The following ZNF274 variants were observed in gnomAD, a reference collection of about 807,000 sequenced individuals.
The protein encoded by ZNF274 is neurotrophin receptor-interacting factor homolog.
A neutral mutation model predicts 42.5 loss-of-function variants in ZNF274; 23 were observed. That is an observed-to-expected ratio of 0.54 (90% CI 0.39 to 0.77). ZNF274 has a LOEUF of 0.77. ZNF274 is among the 30% of genes least tolerant of loss of function. ZNF274 has a pLI of 0.00. For synonymous variants in ZNF274, 292 were observed against 305.4 expected (o/e 0.96, Z 0.46); for missense variants, 679 against 806.5 (o/e 0.84, Z 1.91).
At chr19:58,200,490 G>A (rs1428640041) in intron 4 of ZNF274, among the ~76,000 whole-genome samples, 1 of 152,216 alleles carries the variant, frequency 6.6e-6, no homozygotes, top group Non-Finnish European at 1.5e-5. Context: ...CGAGGTACGG[G>A]TGGGCAGCAG....
chr19:58,213,494 T>G lies in ZNF274; in HGVS notation c.*351T>G, dbSNP rs2076069087. 2 of 213,650 alleles carry G rather than the reference T, an allele frequency of 9.4e-6. No homozygotes were observed. Among genetic ancestry groups the G allele is most frequent in the Admixed American group, 1.0e-4 (2 of 19,724 alleles). 13.2% of individuals were successfully genotyped at this position (213,650 alleles called of 1,614,324 possible). On this transcript the variant is annotated 3_prime_UTR_variant, in exon 8 of 8. Coordinates refer to ENST00000617501, the MANE Select transcript of ZNF274 (RefSeq NM_133502.3). ...TGATATTACATCCACAGTACCACAG[T>G]ATTTATGTGTATGAATTAAGGATTA...
rs1359258445 is a variant in ZNF274 at position 58,207,862 on chromosome 19, C to G, written c.739+660C>G. On this transcript the variant is annotated intron_variant, in intron 5 of 7. Transcript: ENST00000617501. The surrounding 1 kb of genome is among the most constrained non-coding windows in gnomAD (Gnocchi z 5.6). The stretch of plus-strand genomic sequence containing the variant: ...TCTTCTAAAACAGTAGGGCTCGATC[C>G]CTGAGTTCCAGAAACTGGTGGCACC... Among the ~76,000 whole-genome samples, 1 of 152,174 alleles carries G rather than the reference C, an allele frequency of 6.6e-6. No individual in the cohort carries two copies. Among genetic ancestry groups the G allele is most frequent in the Non-Finnish European group, 1.5e-5 (1 of 68,038 alleles).
rs1316438196 is a variant in ZNF274 at position 58,195,147 on chromosome 19, G to A, written c.256+8105G>A. 5.3e-5 allele frequency among the ~76,000 whole-genome samples: 8 copies of A among 151,154 alleles called. No homozygotes were observed. The East Asian group carries it at 5.8e-4, about 11-fold the overall frequency. On this transcript the variant is annotated intron_variant, in intron 4 of 7. Transcript: ENST00000617501. The stretch of plus-strand genomic sequence containing the variant: ...CAGGAGGTGGAGGTTACAGTGAGCC[G>A]AGATGGTGCCACTGCACTCCAGCCT...
At chr19:58,196,911 C>A (rs77980362) in intron 4 of ZNF274, among the ~76,000 whole-genome samples, 1 of 152,140 alleles carries the variant, frequency 6.6e-6, no homozygotes, top group Non-Finnish European at 1.5e-5. Context: ...AACTTTTCAC[C>A]ATCTGAGAAC....
Position 58,206,971 on chromosome 19 carries a change from A to G in ZNF274, c.508A>G (p.Lys170Glu). 2 of 1,610,388 alleles carry G rather than the reference A, an allele frequency of 1.2e-6. No homozygotes were observed. The highest frequency in any genetic ancestry group is 2.2e-5 in the East Asian group (1 of 44,770). ...CCAGAGGTTCCGGCAGTTCCGTTAT[A>G]AGGACATGACAGGTCCCCGGGAGGC... is the stretch of plus-strand genomic sequence containing the variant. ...ARQRFRQFRY[K>E]DMTGPREALD... is the part of the protein sequence containing the mutation. The change falls in exon 5 of 8, where the codon AAG (lysine) becomes GAG (glutamate). Residue 170 changes from lysine (K) to glutamate (E), a missense_variant. Lys to Glu is a moderately conservative substitution (Grantham distance 56). Around this residue, in one of 2 missense-constraint regions of ZNF274, gnomAD observed 223 missense variants for 216.4 expected, o/e 1.03. Transcript: ENST00000617501.
chr19:58,189,575 A>G (rs936903274), intron 4 of ZNF274, among the ~76,000 whole-genome samples: 1 of 152,086 alleles, frequency 6.6e-6, no homozygotes, highest in Non-Finnish European at 1.5e-5. Flanking sequence ...AGTAAATGCC[A>G]TGTTACTGTA....
At position 58,211,647 on chromosome 19, in the gene ZNF274, G is replaced by A. The variant is rs189994795; in HGVS notation, c.940G>A (p.Asp314Asn). The A allele has an allele frequency of 2.0e-5, 33 of 1,613,816 alleles. No homozygotes were observed. In the Admixed American group the frequency reaches 2.5e-4, roughly 12 times the overall value. The change falls in exon 7 of 8, where the codon GAT becomes AAT. Residue 314 changes from aspartate (D) to asparagine (N), a missense_variant. Around this residue, in one of 2 missense-constraint regions of ZNF274, gnomAD observed 456 missense variants for 590.1 expected, o/e 0.77. Transcript: ENST00000617501. This position sits in a 1 kb window ranked among gnomAD's most constrained non-coding sequence, Gnocchi z 4.8. ...LGPTQRTEYR[D>N]VMLETFGHLV... ...CCCGACACAGAGGACCGAGTACCGC[G>A]ATGTGATGCTGGAGACCTTTGGGCA... is the stretch of plus-strand genomic sequence containing the variant.
At chr19:58,190,985 C>G (rs1344631009) in intron 4 of ZNF274, among the ~76,000 whole-genome samples, 2 of 152,324 alleles carry the variant, frequency 1.3e-5, no homozygotes, top group East Asian at 3.9e-4. Flanking sequence ...AGCTTCCTGG[C>G]TCAGCATTAG....
intron 5 of ZNF274, 26 bp from the exon 6 acceptor site, chr19:58,209,935 C>T (rs754250119): frequency 1.3e-6 from 2 of 1,582,376 alleles, no homozygotes; most frequent in Middle Eastern, 1.9e-4. Context: ...ACCTGCTGAC[C>T]TCCTCTGGCT....
chr19:58,196,661 A>G (rs1478019699), intron 4 of ZNF274, among the ~76,000 whole-genome samples: 1 of 152,250 alleles, frequency 6.6e-6, no homozygotes, highest in African/African-American at 2.4e-5. Context: ...GAAGAAAGCC[A>G]AATTCTTCTT....
At chr19:58,190,122 CA>C (rs531395871) in intron 4 of ZNF274, among the ~76,000 whole-genome samples, 3,159 of 115,504 alleles carry the variant, frequency 0.027, 85 homozygotes, top group African/African-American at 0.08. Flanking sequence ...GACTCTATCT[CA>C]AAAAAAAAAA....
At chr19:58,209,228 G>A (rs568453221) in intron 5 of ZNF274, 1 of 152,350 alleles carries the variant, frequency 6.6e-6, no homozygotes, top group East Asian at 1.9e-4. Context: ...CTAAGGCCTT[G>A]TTGGCTCCAA....
In ZNF274 at chr19:58,213,422, A is replaced by C. The variant is rs537021552; in HGVS notation, c.*279A>C. 3 of 357,872 alleles carry C rather than the reference A, an allele frequency of 8.4e-6. No homozygotes were observed. The highest frequency in any genetic ancestry group is 1.5e-5 in the Non-Finnish European group (3 of 198,948). 22.2% of individuals were successfully genotyped at this position (357,872 alleles called of 1,614,324 possible). A position where few individuals can be genotyped will look rare whatever the true frequency, so the allele number is the denominator to read the frequency against. ...AAAAGTGAGATTAATAAAATCTGAA[A>C]ATGTTATATAATAACTTTAAAAAGC... On this transcript the variant is annotated 3_prime_UTR_variant, in exon 8 of 8. Transcript: ENST00000617501.
chr19:58,211,621 G>C lies in ZNF274; in HGVS notation c.914G>C (p.Gly305Ala). 6.2e-7 allele frequency: 1 copy of C among 1,613,888 alleles called. No homozygotes were observed. The highest frequency in any genetic ancestry group is 8.5e-7 in the Non-Finnish European group (1 of 1,179,852). The part of the protein sequence containing the change: ...DFSREEWGLL[G>A]PTQRTEYRDV... ...AGCCGGGAGGAGTGGGGGCTGCTGG[G>C]CCCGACACAGAGGACCGAGTACCGC... Residue 305 changes from glycine to alanine, a missense_variant, in exon 7 of 8, where the codon GGC (glycine) becomes GCC (alanine). By Grantham distance (60) the Gly-to-Ala change is moderately conservative (BLOSUM62 0). Around this residue, in one of 2 missense-constraint regions of ZNF274, gnomAD observed 456 missense variants for 590.1 expected, o/e 0.77. Transcript: ENST00000617501. The surrounding 1 kb of genome is among the most constrained non-coding windows in gnomAD (Gnocchi z 4.8).
rs374984699 is a variant in ZNF274 at position 58,189,949 on chromosome 19, C to G, written c.256+2907C>G. Among the ~76,000 whole-genome samples, 39 of 151,900 alleles carry G rather than the reference C, an allele frequency of 2.6e-4. 1 individual carries two copies. In the South Asian group the frequency reaches 7.5e-3, roughly 29 times the overall value. ...ACCATTCTGGCCAACATGGTGAAACCCTGTCTCTGCTAAAAATACAAAAAT... is the reference window on the plus strand; with the variant it reads ...ACCATTCTGGCCAACATGGTGAAACGCTGTCTCTGCTAAAAATACAAAAAT... On this transcript the variant is annotated intron_variant, in intron 4 of 7. Transcript: ENST00000617501.
At chr19:58,205,082 G>A (rs2075966598) in intron 4 of ZNF274, among the ~76,000 whole-genome samples, 1 of 152,212 alleles carries the variant, frequency 6.6e-6, no homozygotes, top group Admixed American at 6.5e-5. Context: ...TGGCTGTTGT[G>A]TTTTTATTCA....
At chr19:58,188,012 A>G (rs2075720436) in intron 4 of ZNF274, among the ~76,000 whole-genome samples, 1 of 152,132 alleles carries the variant, frequency 6.6e-6, no homozygotes, top group Non-Finnish European at 1.5e-5. Context: ...GGCATGAGCC[A>G]TTGTGCCCGA....
intron 4 of ZNF274, chr19:58,202,091 G>GAGGAAAAGTGATGGGGTACTGTGCCC (rs1189998906): frequency 1.3e-5 from 2 of 152,272 alleles, no homozygotes; most frequent in Non-Finnish European, 2.9e-5. Flanking sequence ...TCCAGACAAG[G>GAGGAAAAGTGATGGGGTACTGTGCCC]AGGAAAAGTG....
At chr19:58,198,616 A>C (rs1222255763) in intron 4 of ZNF274, among the ~76,000 whole-genome samples, 2 of 152,020 alleles carry the variant, frequency 1.3e-5, no homozygotes, top group African/African-American at 4.8e-5. Context: ...GCTGCCCATA[A>C]CTGTGATCAT....
Sources: allele counts gnomAD v4.1 joint callset (sites outside exome capture counted in the v4.1 genomes callset), GRCh38; gene constraint gnomAD v4.1.1; regional missense constraint gnomAD v4.1.1; non-coding constraint Gnocchi (gnomAD v3.1); transcripts MANE v1.5; gene names NCBI Gene and HGNC (gene_info 2026-07-23, HGNC 2026-07-21).